Variants in TBC1D5 observed in about 807,000 individuals in gnomAD.
TBC1D5 encodes TBC1 domain family member 5.
TBC1D5 carries 75 observed loss-of-function variants against 100.3 expected under a neutral mutation model. The ratio of observed to expected loss-of-function variants is 0.75; its 90% CI spans 0.62 to 0.91. The LOEUF (loss-of-function observed/expected upper bound fraction) is 0.91. Among genes scored for constraint, TBC1D5 ranks in the 40% least tolerant of loss-of-function variants. TBC1D5 has a pLI of 0.00. For missense variants in TBC1D5, 910 were observed against 942.4 expected (o/e 0.97, Z 0.45); for synonymous variants, 323 against 325.6 (o/e 0.99, Z 0.09).
chr3:17,552,474 T>C (rs1251286842), intron 2 of TBC1D5, among the ~76,000 whole-genome samples: 1 of 152,084 alleles, frequency 6.6e-6, no homozygotes, highest in Non-Finnish European at 1.5e-5. Context: ...GAGGTTGAAG[T>C]AAGCAGAAAG....
intron 15 of TBC1D5, among the ~76,000 whole-genome samples, chr3:17,279,868 T>C (rs984118829): frequency 2.0e-5 from 3 of 152,210 alleles, no homozygotes; most frequent in African/African-American, 7.2e-5. Context: ...ATCCAATGCA[T>C]TACACTGAAA....
intron 4 of TBC1D5, among the ~76,000 whole-genome samples, chr3:17,417,854 T>C (rs981548862): frequency 6.6e-6 from 1 of 150,404 alleles, no homozygotes; most frequent in African/African-American, 2.5e-5. Flanking sequence ...CCAGCACCTG[T>C]TGTTTGAGAA....
intron 2 of TBC1D5, among the ~76,000 whole-genome samples, chr3:17,512,790 T>C (rs1265478964): frequency 6.6e-6 from 1 of 152,188 alleles, no homozygotes; most frequent in Non-Finnish European, 1.5e-5. Context: ...TTTAGTGCTA[T>C]CCTGGGCACA....
chr3:17,315,542 A>C (rs1214395829), intron 13 of TBC1D5, among the ~76,000 whole-genome samples: 1 of 152,234 alleles, frequency 6.6e-6, no homozygotes, highest in Admixed American at 6.5e-5. Flanking sequence ...TATCCCTAAA[A>C]TAAAACATGC....
intron 1 of TBC1D5, among the ~76,000 whole-genome samples, chr3:17,657,236 C>A (rs1405692515): frequency 6.6e-6 from 1 of 151,808 alleles, no homozygotes; most frequent in African/African-American, 2.4e-5. Context: ...AATCTCCCAA[C>A]AAAAGCTGGG....
At chr3:17,311,989 T>C (rs1395027896) in intron 13 of TBC1D5, among the ~76,000 whole-genome samples, 1 of 152,108 alleles carries the variant, frequency 6.6e-6, no homozygotes, top group African/African-American at 2.4e-5. Flanking sequence ...GAATCCAAGT[T>C]GTGTATTAGT....
chr3:17,698,018 T>C (rs979749107), intron 1 of TBC1D5, among the ~76,000 whole-genome samples: 13 of 151,456 alleles, frequency 8.6e-5, no homozygotes, highest in African/African-American at 3.2e-4. Context: ...CCAATGACTT[T>C]CTTCACAGAA....
intron 2 of TBC1D5, among the ~76,000 whole-genome samples, chr3:17,602,550 G>A (rs966192864): frequency 2.1e-5 from 3 of 145,384 alleles, no homozygotes; most frequent in Non-Finnish European, 4.5e-5. Context: ...GCCATAATAC[G>A]AGAGAATCAG....
At chr3:17,535,585 G>C (rs139184986) in intron 2 of TBC1D5, among the ~76,000 whole-genome samples, 1 of 151,898 alleles carries the variant, frequency 6.6e-6, no homozygotes, top group Non-Finnish European at 1.5e-5. Context: ...AATAGACTCC[G>C]GTCTGTAACT....
At chr3:17,374,789 AAATT>A (rs1363488346) in intron 10 of TBC1D5, 110 bp from the exon 11 acceptor site, 27 of 1,062,010 alleles carry the variant, frequency 2.5e-5, no homozygotes, top group Non-Finnish European at 3.7e-5. Flanking sequence ...CAAACGAAAA[AAATT>A]AGTCTTTTTT....
At chr3:17,699,307 A>G (rs1343726152) in intron 1 of TBC1D5, among the ~76,000 whole-genome samples, 2 of 114,420 alleles carry the variant, frequency 1.7e-5, no homozygotes, top group Non-Finnish European at 3.7e-5. Context: ...AAAACCAAAC[A>G]CCACATATTC....
At chr3:17,302,218 A>G (rs2082916546) in intron 14 of TBC1D5, among the ~76,000 whole-genome samples, 1 of 152,052 alleles carries the variant, frequency 6.6e-6, no homozygotes, top group Admixed American at 6.5e-5. Context: ...AATCCTTGTC[A>G]TTCCTTGCCT....
At chr3:17,580,318 T>C in intron 2 of TBC1D5, among the ~76,000 whole-genome samples, 1 of 151,892 alleles carries the variant, frequency 6.6e-6, no homozygotes, top group East Asian at 1.9e-4. Context: ...ATTCCTAAAC[T>C]AGGAAACACC....
chr3:17,626,851 G>A (rs141149017), intron 1 of TBC1D5, among the ~76,000 whole-genome samples: 177 of 152,236 alleles, frequency 1.2e-3, no homozygotes, highest in African/African-American at 3.9e-3. Flanking sequence ...ACTGGCCAGT[G>A]GAGGAAAAAA....
intron 3 of TBC1D5, among the ~76,000 whole-genome samples, chr3:17,461,497 T>C (rs983332000): frequency 1.3e-5 from 2 of 152,224 alleles, no homozygotes; most frequent in African/African-American, 4.8e-5. Flanking sequence ...ACTGGCTTCA[T>C]AACCTAACCT....
chr3:17,519,384 C>A (rs1445928054), intron 2 of TBC1D5, among the ~76,000 whole-genome samples: 2 of 152,208 alleles, frequency 1.3e-5, no homozygotes, highest in Non-Finnish European at 2.9e-5. Context: ...ACACATGTGG[C>A]TCCTCTGCAA....
At chr3:17,444,109 C>G (rs1211008281) in intron 3 of TBC1D5, among the ~76,000 whole-genome samples, 1 of 151,904 alleles carries the variant, frequency 6.6e-6, no homozygotes, top group Non-Finnish European at 1.5e-5. Flanking sequence ...AATGTAAAAA[C>G]TAATTTAACC....
At chr3:17,698,188 AAC>A (rs2072469808) in intron 1 of TBC1D5, among the ~76,000 whole-genome samples, 1 of 152,250 alleles carries the variant, frequency 6.6e-6, no homozygotes, top group Non-Finnish European at 1.5e-5. Context: ...CTGGTCCCAA[AAC>A]AGAGATATAG....
chr3:17,443,914 G>A (rs1252803060), intron 3 of TBC1D5, among the ~76,000 whole-genome samples: 2 of 152,116 alleles, frequency 1.3e-5, no homozygotes, highest in East Asian at 1.9e-4. Flanking sequence ...GGAGTGTCAA[G>A]GATCCATGGG....
Sources: allele counts gnomAD v4.1 joint callset (sites outside exome capture counted in the v4.1 genomes callset), GRCh38; gene constraint gnomAD v4.1.1; transcripts MANE v1.5; gene names NCBI Gene and HGNC (gene_info 2026-07-23, HGNC 2026-07-21).